Variants in STK3 observed in about 807,000 individuals in gnomAD.
The protein encoded by STK3 is serine/threonine-protein kinase 3.
Under a neutral mutation model 58.0 loss-of-function variants are expected in STK3, and 41 were observed. The ratio of observed to expected loss-of-function variants is 0.71; its 90% CI spans 0.55 to 0.92. The LOEUF (loss-of-function observed/expected upper bound fraction) is 0.92, where lower values mean the gene tolerates loss of function less well. Ranked by LOEUF, STK3 falls within the 40% of genes least tolerant of loss-of-function variation. The probability of loss-of-function intolerance (pLI) is 0.00; values close to 1 mark genes in which losing one functional copy is unlikely to be tolerated. For synonymous variants in STK3, 170 were observed against 191.0 expected, an observed-to-expected ratio of 0.89 and a Z score of 0.91; for missense variants, 479 against 602.7, an observed-to-expected ratio of 0.79 and a Z score of 2.15.
At chr8:98,816,851 A>G (rs1834581658) in intron 1 of STK3, among the ~76,000 whole-genome samples, 2 of 152,040 alleles carry the variant, frequency 1.3e-5, no homozygotes, top group African/African-American at 4.8e-5. Flanking sequence ...ACTATTTCTT[A>G]ATCATCAAGA....
intron 6 of STK3, among the ~76,000 whole-genome samples, chr8:98,607,165 C>T (rs1227929508): frequency 6.6e-6 from 1 of 152,194 alleles, no homozygotes; most frequent in Non-Finnish European, 1.5e-5. Context: ...TGATAAGCAA[C>T]TGATATAAGA....
At chr8:98,810,428 G>A (rs554174262) in intron 1 of STK3, among the ~76,000 whole-genome samples, 1 of 151,632 alleles carries the variant, frequency 6.6e-6, no homozygotes, top group Admixed American at 6.6e-5. Flanking sequence ...ACCAACACCT[G>A]TGATTTTCTG....
chr8:98,825,543 C>A lies in STK3; in HGVS notation c.-3G>T. 1.4e-6 allele frequency: 2 copies of A among 1,455,194 alleles called. No homozygotes were observed. Among genetic ancestry groups the A allele is most frequent in the Non-Finnish European group, 1.8e-6 (2 of 1,098,448 alleles). The allele number at this position is 1,455,194 out of a possible 1,614,324, so 90.1% of individuals were successfully genotyped here. ...TTAGGCGCCGGCGGCTGCTCCATGG[C>A]GGCCGGGGACAGAGAGAGGGACCTG... On this transcript the variant is annotated 5_prime_UTR_variant, in exon 1 of 11. Transcript: ENST00000419617.
At chr8:98,552,443 C>T (rs1367910850) in intron 8 of STK3, among the ~76,000 whole-genome samples, 2 of 152,102 alleles carry the variant, frequency 1.3e-5, no homozygotes, top group Non-Finnish European at 2.9e-5. Context: ...ATCCCATCTC[C>T]TATCACATTC....
chr8:98,825,807 C>CAGAGAAGGT (rs1564039821), upstream of STK3: 2 of 64,138 alleles, frequency 3.1e-5, no homozygotes, highest in African/African-American at 1.1e-4. Context: ...CGCCCCGCCC[C>CAGAGAAGGT]GCCCCCGGCC....
intron 6 of STK3, among the ~76,000 whole-genome samples, chr8:98,652,284 G>A (rs760721818): frequency 0.032 from 4,820 of 152,128 alleles, 97 homozygotes; most frequent in South Asian, 0.061. Context: ...CAAATGCTGA[G>A]AGATTTTGTC....
Position 98,774,828 on chromosome 8 carries a change from A to T in STK3, c.27-9T>A. On this transcript the variant is annotated splice_polypyrimidine_tract_variant and intron_variant, in intron 1 of 10. Coordinates refer to ENST00000419617, the MANE Select transcript of STK3 (RefSeq NM_006281.4). ...TCAGCTTTTTTAGTTTACTGATTTA[A>T]AAAAGAAAGAAGAAAGAAAATATTT... The T allele has an allele frequency of 6.5e-7, 1 of 1,528,822 alleles. No homozygotes were observed. Among genetic ancestry groups the T allele is most frequent in the Non-Finnish European group, 8.8e-7 (1 of 1,142,434 alleles). The allele number at this position is 1,528,822 out of a possible 1,614,324, so 94.7% of individuals were successfully genotyped here. A position where few individuals can be genotyped will look rare whatever the true frequency, so the allele number is the denominator to read the frequency against.
chr8:98,607,362 G>A (rs984306818), intron 6 of STK3, among the ~76,000 whole-genome samples: 1 of 152,022 alleles, frequency 6.6e-6, no homozygotes, highest in African/African-American at 2.4e-5. Flanking sequence ...TGCACTACAG[G>A]TACAAAAGCA....
chr8:98,844,185 G>GT (rs1836106430), intron 3 of STK3, among the ~76,000 whole-genome samples: 1 of 152,164 alleles, frequency 6.6e-6, no homozygotes, highest in Admixed American at 6.5e-5. Context: ...TGTTTAGCAA[G>GT]TAAAAAATTG....
intron 1 of STK3, among the ~76,000 whole-genome samples, chr8:98,890,865 T>C (rs1838172633): frequency 6.6e-6 from 1 of 152,240 alleles, no homozygotes; most frequent in Admixed American, 6.5e-5. Context: ...ATACATCTTC[T>C]AAAACACCAG....
In STK3 at chr8:98,428,450, C is replaced by T. The variant is rs762692688; in HGVS notation, n.483+5677G>A. ...ATGAGATCCTTGCCTTCTACAACGA[C>T]GCCTCCAAGTTCGATGGGCAGCCCC... On this transcript the variant is annotated intron_variant and non_coding_transcript_variant, in intron 3 of 3. Coordinates refer to the STK3 transcript ENST00000517832. This position sits in a 1 kb window ranked among gnomAD's most constrained non-coding sequence, Gnocchi z 6.7. 23 of 1,614,018 alleles carry T rather than the reference C, an allele frequency of 1.4e-5. No homozygotes were observed. Among genetic ancestry groups the T allele is most frequent in the East Asian group, 4.5e-5 (2 of 44,876 alleles).
At chr8:98,792,434 C>T (rs116674613) in intron 1 of STK3, among the ~76,000 whole-genome samples, 3,296 of 152,254 alleles carry the variant, frequency 0.022, 141 homozygotes, top group African/African-American at 0.075. Context: ...CAGTGGCTCA[C>T]GCCTGTGATC....
At chr8:98,460,548 C>T (rs1195537019) in intron 10 of STK3, among the ~76,000 whole-genome samples, 1 of 152,062 alleles carries the variant, frequency 6.6e-6, no homozygotes, top group Non-Finnish European at 1.5e-5. Context: ...GAGCCAGGGG[C>T]AGAATGATAT....
intron 8 of STK3, among the ~76,000 whole-genome samples, chr8:98,570,310 A>G (rs776236757): frequency 4.8e-5 from 7 of 144,808 alleles, no homozygotes; most frequent in Non-Finnish European, 1.1e-4. Context: ...GTGTTTTTTA[A>G]TTTTTTTTTT....
intron 6 of STK3, among the ~76,000 whole-genome samples, chr8:98,644,407 G>A (rs1820248314): frequency 6.6e-6 from 1 of 152,070 alleles, no homozygotes; most frequent in Admixed American, 6.6e-5. Flanking sequence ...TATTTTATCT[G>A]ATGCTTTACG....
chr8:98,446,318 G>C (rs890549608), intron 1 of STK3, among the ~76,000 whole-genome samples: 1 of 152,226 alleles, frequency 6.6e-6, no homozygotes, highest in Non-Finnish European at 1.5e-5. Flanking sequence ...TAGGAACAAA[G>C]CTGCCTTTAT....
At chr8:98,909,752 C>T (rs1839059883) in intron 1 of STK3, among the ~76,000 whole-genome samples, 1 of 152,226 alleles carries the variant, frequency 6.6e-6, no homozygotes, top group Non-Finnish European at 1.5e-5. Context: ...TTTATCCATT[C>T]ATCAGTTGAT....
intron 1 of STK3, among the ~76,000 whole-genome samples, chr8:98,802,670 AAATT>A (rs1295387676): frequency 6.6e-6 from 1 of 152,206 alleles, no homozygotes; most frequent in African/African-American, 2.4e-5. Flanking sequence ...TATTAATTGT[AAATT>A]ATTTATAACA....
chr8:98,718,247 A>AG (rs957120392), intron 4 of STK3, among the ~76,000 whole-genome samples: 2 of 152,032 alleles, frequency 1.3e-5, no homozygotes, highest in East Asian at 1.9e-4. Context: ...AATAAAACTG[A>AG]GGGGGGGAAA....
Sources: allele counts gnomAD v4.1 joint callset (sites outside exome capture counted in the v4.1 genomes callset), GRCh38; gene constraint gnomAD v4.1.1; non-coding constraint Gnocchi (gnomAD v3.1); transcripts MANE v1.5; gene names NCBI Gene and HGNC (gene_info 2026-07-23, HGNC 2026-07-21).